C12orf42: variants seen among roughly 807,000 people sequenced by gnomAD.
C12orf42 encodes uncharacterized protein C12orf42.
In C12orf42, 25 loss-of-function variants were observed where a neutral mutation model predicts 21.6. The observed-to-expected ratio is 1.16, with a 90% CI of 0.84 to 1.62. The LOEUF (loss-of-function observed/expected upper bound fraction) is 1.62, where lower values mean the gene tolerates loss of function less well. Ranked by LOEUF, C12orf42 falls within the 40% of genes most tolerant of loss-of-function variation. C12orf42 has a pLI of 0.00. For synonymous variants in C12orf42, 174 were observed against 175.0 expected (o/e 0.99, Z 0.05); for missense variants, 483 against 459.3 (o/e 1.05, Z -0.47).
At chr12:103,379,288 G>A (rs1425044910) in intron 3 of C12orf42, among the ~76,000 whole-genome samples, 1 of 152,070 alleles carries the variant, frequency 6.6e-6, no homozygotes, top group East Asian at 1.9e-4. Flanking sequence ...TACAACTGAT[G>A]TCCCATCTCA....
At chr12:103,364,006 T>C (rs1223398584) in intron 4 of C12orf42, among the ~76,000 whole-genome samples, 3 of 152,090 alleles carry the variant, frequency 2.0e-5, no homozygotes, top group African/African-American at 7.2e-5. Context: ...TTAACAGATA[T>C]TTACAGAACA....
chr12:103,067,197 C>A, the C12orf42 span, among the ~76,000 whole-genome samples: 63 of 152,214 alleles, frequency 4.1e-4, no homozygotes, highest in Admixed American at 2.8e-3. Context: ...TAGACACTTA[C>A]TCCAGATATG....
downstream of C12orf42, among the ~76,000 whole-genome samples, chr12:103,264,122 C>T (rs190579641): frequency 2.5e-4 from 38 of 151,118 alleles, 1 homozygote; most frequent in African/African-American, 8.4e-4. Flanking sequence ...TTACTTACTG[C>T]CTTGCATTGT....
intron 5 of C12orf42, among the ~76,000 whole-genome samples, chr12:103,271,103 G>T (rs1396515635): frequency 6.6e-6 from 1 of 152,060 alleles, no homozygotes; most frequent in African/African-American, 2.4e-5. Context: ...TATGTATCAG[G>T]CAACAGCTGT....
At chr12:103,089,335 T>C in the C12orf42 span, among the ~76,000 whole-genome samples, 2 of 152,102 alleles carry the variant, frequency 1.3e-5, no homozygotes, top group Non-Finnish European at 2.9e-5. Context: ...TGCATTCAGC[T>C]GCTAAATTTT....
chr12:103,208,209 C>T, the C12orf42 span, among the ~76,000 whole-genome samples: 1 of 152,168 alleles, frequency 6.6e-6, no homozygotes, highest in African/African-American at 2.4e-5. Flanking sequence ...AAAAGGTGCG[C>T]TGGGGTGACA....
chr12:103,134,590 A>G, the C12orf42 span, among the ~76,000 whole-genome samples: 1 of 152,082 alleles, frequency 6.6e-6, no homozygotes, highest in African/African-American at 2.4e-5. Context: ...AGAATTAAGA[A>G]GAATGAAAAA....
the C12orf42 span, among the ~76,000 whole-genome samples, chr12:103,107,016 A>T: frequency 1.3e-5 from 2 of 152,008 alleles, no homozygotes; most frequent in Non-Finnish European, 2.9e-5. Context: ...TAAGCCTTTA[A>T]GAGACAAAGA....
At chr12:103,096,091 G>T in the C12orf42 span, among the ~76,000 whole-genome samples, 1 of 152,148 alleles carries the variant, frequency 6.6e-6, no homozygotes, top group African/African-American at 2.4e-5. Context: ...GTAGTTCATG[G>T]TCTCAAAATT....
chr12:103,435,069 G>A (rs1950580214), intron 2 of C12orf42, among the ~76,000 whole-genome samples: 1 of 152,176 alleles, frequency 6.6e-6, no homozygotes, highest in African/African-American at 2.4e-5. Context: ...CAGGCAGACT[G>A]CCTCCTCAAG....
chr12:103,314,506 T>C (rs2039274733), intron 4 of C12orf42, among the ~76,000 whole-genome samples: 1 of 152,184 alleles, frequency 6.6e-6, no homozygotes, highest in Non-Finnish European at 1.5e-5. Flanking sequence ...TGAACTAGCT[T>C]GAGAATAAAA....
intron 4 of C12orf42, among the ~76,000 whole-genome samples, chr12:103,327,018 A>C (rs530863346): frequency 6.6e-6 from 1 of 152,330 alleles, no homozygotes; most frequent in African/African-American, 2.4e-5. Context: ...TTGGAACATT[A>C]ATCAATAACA....
chr12:103,245,341 A>G (rs2033959618), intron 10 of C12orf42, among the ~76,000 whole-genome samples: 1 of 152,128 alleles, frequency 6.6e-6, no homozygotes, highest in African/African-American at 2.4e-5. Context: ...ATCATTCCTG[A>G]GGGACATTAT....
intron 3 of C12orf42, among the ~76,000 whole-genome samples, chr12:103,371,478 C>T (rs1401135446): frequency 1.3e-5 from 2 of 148,396 alleles, no homozygotes; most frequent in Admixed American, 1.4e-4. Flanking sequence ...GACTTTTTTG[C>T]TGCTAGCATT....
chr12:103,478,185 C>A, intron 2 of C12orf42, 164 bp downstream of exon 2: 2 of 534,578 alleles, frequency 3.7e-6, no homozygotes, highest in Non-Finnish European at 6.5e-6. Context: ...TAAAATTATG[C>A]TATAATTTAC....
intron 3 of C12orf42, 99 bp downstream of exon 3, chr12:103,401,508 C>A: frequency 2.0e-6 from 2 of 1,000,694 alleles, no homozygotes; most frequent in South Asian, 1.5e-5. Context: ...GCTATAAAGT[C>A]AAAAATACAA....
downstream of C12orf42, among the ~76,000 whole-genome samples, chr12:103,297,120 T>C (rs1002263648): frequency 6.6e-6 from 1 of 152,182 alleles, no homozygotes; most frequent in African/African-American, 2.4e-5. Context: ...ATAGGGAATC[T>C]TTTCCCCATT....
intron 3 of C12orf42, among the ~76,000 whole-genome samples, chr12:103,384,410 G>A (rs1021524136): frequency 2.6e-5 from 4 of 152,018 alleles, no homozygotes; most frequent in South Asian, 4.2e-4. Flanking sequence ...TACATTAAGC[G>A]GTGGGTGAAC....
chr12:103,071,056 T>C, the C12orf42 span, among the ~76,000 whole-genome samples: 7 of 152,136 alleles, frequency 4.6e-5, no homozygotes, highest in African/African-American at 1.7e-4. Context: ...CTGATTTTTT[T>C]CCCAACTCAT....
Sources: gnomAD v4.1 joint callset for allele counts (sites outside exome capture counted in the v4.1 genomes callset) on GRCh38, gnomAD v4.1.1 for gene constraint, MANE v1.5 for transcripts, NCBI Gene and HGNC (gene_info 2026-07-23, HGNC 2026-07-21) for gene names.